KIF13A: variants seen among roughly 807,000 people sequenced by gnomAD.
KIF13A encodes kinesin-like protein KIF13A.
A neutral mutation model predicts 212.2 loss-of-function variants in KIF13A; 79 were observed. That is an observed-to-expected ratio of 0.37 (90% CI 0.31 to 0.45). The LOEUF (loss-of-function observed/expected upper bound fraction) is 0.45, where lower values mean the gene tolerates loss of function less well. KIF13A is among the 20% of genes least tolerant of loss of function. The pLI, the probability that KIF13A is intolerant of heterozygous loss-of-function variation, is 1.00. For synonymous variants in KIF13A, 789 were observed against 808.6 expected (o/e 0.98, Z 0.41); for missense variants, 1,901 against 2,209.0 (o/e 0.86, Z 2.79).
intron 16 of KIF13A, chr6:17,821,936 C>T (rs1330649891): frequency 1.5e-5 from 23 of 1,534,366 alleles, no homozygotes; most frequent in African/African-American, 2.7e-5. Flanking sequence ...CAGTGAACAC[C>T]GTCCAGCCAC....
rs1770014815 is a variant in KIF13A at position 17,871,561 on chromosome 6, A to C, written c.220+1816T>G. ...GGGGGGAGTCATGAATACTTAAAAA[A>C]TTATTGTGAGACTTTCTGGCTTCCT... On this transcript the variant is annotated intron_variant, in intron 4 of 38. Coordinates refer to ENST00000259711, the MANE Select transcript of KIF13A (RefSeq NM_022113.6). This position sits in a 1 kb window ranked among gnomAD's most constrained non-coding sequence, Gnocchi z 4.4. Among the ~76,000 whole-genome samples the C allele has an allele frequency of 2.6e-5, 4 of 152,288 alleles. No individual in the cohort carries two copies. The highest frequency in any genetic ancestry group is 2.6e-4 in the Admixed American group (4 of 15,288).
rs992254710 is a variant in KIF13A at position 17,931,736 on chromosome 6, A to G, written c.147-33556T>C. 7.2e-5 allele frequency among the ~76,000 whole-genome samples: 11 copies of G among 152,252 alleles called. No homozygotes were observed. The East Asian group carries it at 2.1e-3, about 29-fold the overall frequency. Reference sequence around the variant, plus strand: ...ACAACATTGTAAGACTGGACAATAGAAGACAGTAACAACTGTGTGTTCATG... The same window carrying G: ...ACAACATTGTAAGACTGGACAATAGGAGACAGTAACAACTGTGTGTTCATG... On this transcript the variant is annotated intron_variant, in intron 2 of 38. Coordinates refer to ENST00000259711, the MANE Select transcript of KIF13A (RefSeq NM_022113.6).
rs748676840 is a variant in KIF13A, at chr6:17,785,621, C to T, written c.3382G>A (p.Glu1128Lys). The T allele has an allele frequency of 1.7e-5, 27 of 1,605,668 alleles. No individual in the cohort carries two copies. Among genetic ancestry groups the T allele is most frequent in the Non-Finnish European group, 7.7e-6 (9 of 1,176,354 alleles). Reference sequence around the variant, plus strand: ...TGCTCCACAAGCTGGGCTTCCCGCTCCACATCGTCCTCTGTTTTCTCTGCA... The same window carrying T: ...TGCTCCACAAGCTGGGCTTCCCGCTTCACATCGTCCTCTGTTTTCTCTGCA... ...NKTEKTEDDVEREAQLVEQWV... is the reference protein window; with the variant it reads ...NKTEKTEDDVKREAQLVEQWV... The change falls in exon 28 of 39, where the codon GAG (glutamate) becomes AAG (lysine). Residue 1128 changes from glutamate (E) to lysine (K), a missense_variant. This residue lies in a region of KIF13A where 168 missense variants were observed against 250.9 expected (regional missense o/e 0.67). Coordinates refer to ENST00000259711, the MANE Select transcript of KIF13A (RefSeq NM_022113.6). The surrounding 1 kb of genome is among the most constrained non-coding windows in gnomAD (Gnocchi z 5.8).
chr6:17,797,707 G>T (rs1312745872), intron 22 of KIF13A, among the ~76,000 whole-genome samples: 1 of 152,156 alleles, frequency 6.6e-6, no homozygotes, highest in East Asian at 1.9e-4. Flanking sequence ...ATAGTGACCA[G>T]CTTGGGCAAC....
At chr6:17,887,107 A>G (rs2150462148) in intron 3 of KIF13A, among the ~76,000 whole-genome samples, 1 of 142,114 alleles carries the variant, frequency 7.0e-6, no homozygotes, top group Admixed American at 7.2e-5. Flanking sequence ...GCTTTGGCCA[A>G]TTAAGTATGA....
intron 29 of KIF13A, among the ~76,000 whole-genome samples, chr6:17,782,138 C>T (rs1246221196): frequency 2.0e-5 from 3 of 151,182 alleles, no homozygotes; most frequent in Non-Finnish European, 4.4e-5. Flanking sequence ...GGTTTCACCG[C>T]GTTGGCCAGG....
chr6:17,833,413 T>A (rs931515820), intron 12 of KIF13A, among the ~76,000 whole-genome samples: 1 of 151,046 alleles, frequency 6.6e-6, no homozygotes, highest in African/African-American at 2.4e-5. Flanking sequence ...GGAGAATCAC[T>A]TGAGCCCAGG....
chr6:17,852,184 T>G (rs1767716447), intron 6 of KIF13A, 142 bp from the exon 7 acceptor site: 2 of 443,754 alleles, frequency 4.5e-6, no homozygotes, highest in Non-Finnish European at 8.1e-6. Flanking sequence ...AAAAGCTACT[T>G]TATTTGGATT....
chr6:17,983,760 T>C (rs2150648332), intron 2 of KIF13A, among the ~76,000 whole-genome samples: 1 of 152,234 alleles, frequency 6.6e-6, no homozygotes, highest in South Asian at 2.1e-4. Flanking sequence ...AGTGCTGGGA[T>C]TACAGGTGTG....
chr6:17,894,857 C>T (rs913006306), intron 3 of KIF13A, among the ~76,000 whole-genome samples: 1 of 152,074 alleles, frequency 6.6e-6, no homozygotes, highest in African/African-American at 2.4e-5. Flanking sequence ...ACAGCTGTTA[C>T]TAATAATAGT....
rs561011307 is a variant in KIF13A at position 17,766,365 on chromosome 6, G to A, written c.4582-1419C>T. On this transcript the variant is annotated intron_variant, in intron 38 of 38. Coordinates refer to ENST00000259711, the MANE Select transcript of KIF13A (RefSeq NM_022113.6). ...AGCAATTCTCCTGCGTCAGCCTCCC[G>A]AGTAGCTGGGATTACAGGCATGCGC... Among the ~76,000 whole-genome samples, 16 of 151,654 alleles carry A rather than the reference G, an allele frequency of 1.1e-4. 1 individual carries two copies. The highest frequency in any genetic ancestry group is 2.9e-4 in the African/African-American group (12 of 41,352).
At chr6:17,836,793 T>A (rs2150379839) in intron 11 of KIF13A, 85 bp downstream of exon 11, 1 of 1,192,954 alleles carries the variant, frequency 8.4e-7, no homozygotes, top group East Asian at 2.3e-5. Flanking sequence ...TCAGATGACC[T>A]ACAATTGCAA....
intron 2 of KIF13A, among the ~76,000 whole-genome samples, chr6:17,962,440 G>A (rs921433195): frequency 4.6e-5 from 7 of 152,182 alleles, no homozygotes; most frequent in Non-Finnish European, 1.0e-4. Flanking sequence ...CGTTAAAAAA[G>A]CAGAGCGAGG....
At chr6:17,881,362 G>A (rs1771041472) in intron 3 of KIF13A, 3 of 352,876 alleles carry the variant, frequency 8.5e-6, no homozygotes, top group Non-Finnish European at 1.6e-5. Context: ...CATGACTTAC[G>A]AATAGGATGT....
intron 17 of KIF13A, chr6:17,812,502 G>C (rs1277595744): frequency 6.6e-6 from 1 of 152,120 alleles, no homozygotes. Flanking sequence ...TCCTGCAAAG[G>C]ACACGATCTT....
rs1280562564 is a variant in KIF13A, at chr6:17,789,694, A to C, written c.3261+178T>G. Among the ~76,000 whole-genome samples, 2 of 152,196 alleles carry C rather than the reference A, an allele frequency of 1.3e-5. No homozygotes were observed. Among genetic ancestry groups the C allele is most frequent in the Non-Finnish European group, 2.9e-5 (2 of 68,036 alleles). On this transcript the variant is annotated intron_variant, in intron 26 of 38. Transcript: ENST00000259711. This position sits in a 1 kb window ranked among gnomAD's most constrained non-coding sequence, Gnocchi z 4.8. Reference sequence around the variant, plus strand: ...TTTAGTTATAAATTTTGAACTGACAAGGCATCTATAGAAATAATATTGTGT... The same window carrying C: ...TTTAGTTATAAATTTTGAACTGACACGGCATCTATAGAAATAATATTGTGT...
At chr6:17,842,857 CT>C (rs890646082) in intron 9 of KIF13A, among the ~76,000 whole-genome samples, 86 of 146,726 alleles carry the variant, frequency 5.9e-4, no homozygotes, top group Middle Eastern at 3.6e-3. Flanking sequence ...TATAATCCAA[CT>C]TTTTTTTTTT....
In KIF13A at chr6:17,919,124, C is replaced by T. The variant is rs1213650961; in HGVS notation, c.147-20944G>A. Among the ~76,000 whole-genome samples, 2 of 152,162 alleles carry T rather than the reference C, an allele frequency of 1.3e-5. No homozygotes were observed. The highest frequency in any genetic ancestry group is 1.3e-4 in the Admixed American group (2 of 15,272). On this transcript the variant is annotated intron_variant, in intron 2 of 38. Transcript: ENST00000259711. This position sits in a 1 kb window ranked among gnomAD's most constrained non-coding sequence, Gnocchi z 4.1. ...ATGGTGATGTTTCCCTGAATAACTCCACTCTTTGGATTGAAGACCAAGTAA... is the reference window on the plus strand; with the variant it reads ...ATGGTGATGTTTCCCTGAATAACTCTACTCTTTGGATTGAAGACCAAGTAA...
intron 2 of KIF13A, among the ~76,000 whole-genome samples, chr6:17,953,287 G>A (rs191710584): frequency 6.6e-6 from 1 of 152,056 alleles, no homozygotes; most frequent in Admixed American, 6.5e-5. Flanking sequence ...ACATATACAC[G>A]GGTACCTGAA....
Sources: gnomAD v4.1 joint callset for allele counts (sites outside exome capture counted in the v4.1 genomes callset) on GRCh38, gnomAD v4.1.1 for gene constraint, gnomAD v4.1.1 regional missense constraint, Gnocchi (gnomAD v3.1) non-coding constraint, MANE v1.5 for transcripts, NCBI Gene and HGNC (gene_info 2026-07-23, HGNC 2026-07-21) for gene names.